The following SLC25A21 variants were observed in gnomAD, a reference collection of about 807,000 sequenced individuals.
SLC25A21 encodes solute carrier family 25 member 21, also known as mitochondrial 2-oxodicarboxylate carrier.
A neutral mutation model predicts 43.8 loss-of-function variants in SLC25A21; 47 were observed. The observed-to-expected ratio is 1.07, with a 90% CI of 0.85 to 1.37. The LOEUF is 1.37. Ranked by LOEUF, SLC25A21 falls within the 40% of genes most tolerant of loss-of-function variation. The pLI, the probability that SLC25A21 is intolerant of heterozygous loss-of-function variation, is 0.00. For missense variants in SLC25A21, 352 were observed against 350.2 expected (o/e 1.00, Z -0.04); for synonymous variants, 131 against 121.3 (o/e 1.08, Z -0.52).
At chr14:37,084,306 T>C (rs1258057597) in intron 1 of SLC25A21, among the ~76,000 whole-genome samples, 1 of 152,206 alleles carries the variant, frequency 6.6e-6, no homozygotes, top group Non-Finnish European at 1.5e-5. Context: ...AGGAGGCTCT[T>C]CCTCTAGATC....
At chr14:36,971,773 T>A (rs1184840934) in intron 1 of SLC25A21, among the ~76,000 whole-genome samples, 1 of 152,166 alleles carries the variant, frequency 6.6e-6, no homozygotes, top group Non-Finnish European at 1.5e-5. Flanking sequence ...ATGATGCCGC[T>A]TCATATGCCC....
chr14:36,899,442 G>A (rs575716065), intron 1 of SLC25A21, among the ~76,000 whole-genome samples: 40 of 152,282 alleles, frequency 2.6e-4, no homozygotes, highest in Admixed American at 1.1e-3. Context: ...AAATGGCACC[G>A]TCTCCGAACT....
rs906166384 is a variant in SLC25A21, at chr14:36,969,524, G to A, written c.71-94520C>T. Among the ~76,000 whole-genome samples, 7 of 152,030 alleles carry A rather than the reference G, an allele frequency of 4.6e-5. No homozygotes were observed. The East Asian group carries it at 9.7e-4, about 21-fold the overall frequency. ...TTTTTTTAGAGACAGGGTCTTACCC[G>A]GTGGCCCAGGCTGGAGTGCAGTGGT... On this transcript the variant is annotated intron_variant, in intron 1 of 9. Coordinates refer to ENST00000331299, the MANE Select transcript of SLC25A21 (RefSeq NM_030631.4).
rs368630543 is a variant in SLC25A21 at position 36,965,154 on chromosome 14, G to A, written c.71-90150C>T. Among the ~76,000 whole-genome samples, 13 of 152,166 alleles carry A rather than the reference G, an allele frequency of 8.5e-5. No homozygotes were observed. The South Asian group carries it at 2.7e-3, about 32-fold the overall frequency. ...CTTCCCTTTTAGAATCCCCAGAATTGATCAAATTGAAGGCAAACTAAAAAT... is the reference window on the plus strand; with the variant it reads ...CTTCCCTTTTAGAATCCCCAGAATTAATCAAATTGAAGGCAAACTAAAAAT... On this transcript the variant is annotated intron_variant, in intron 1 of 9. Transcript: ENST00000331299.
At chr14:36,946,281 C>G (rs1410359457) in intron 1 of SLC25A21, among the ~76,000 whole-genome samples, 1 of 152,078 alleles carries the variant, frequency 6.6e-6, no homozygotes, top group African/African-American at 2.4e-5. Flanking sequence ...ATCTCACAAT[C>G]CATAGGTATG....
chr14:36,969,641 A>C (rs1444813843), intron 1 of SLC25A21, among the ~76,000 whole-genome samples: 1 of 149,984 alleles, frequency 6.7e-6, no homozygotes, highest in Non-Finnish European at 1.5e-5. Context: ...GGCATGCACC[A>C]CCACACCTGG....
chr14:37,160,784 G>A (rs1475349614), intron 1 of SLC25A21, among the ~76,000 whole-genome samples: 1 of 151,758 alleles, frequency 6.6e-6, no homozygotes, highest in Admixed American at 6.6e-5. Context: ...ACAGAAGTTA[G>A]CTGGGCCTGG....
In SLC25A21 at chr14:36,828,389, C is replaced by T. The variant is rs566977590; in HGVS notation, c.120-14388G>A. On this transcript the variant is annotated intron_variant, in intron 2 of 9. Transcript: ENST00000331299. ...TGAGGCTTTTAAGAAGTAATTGGCA[C>T]TTCTTCGTTTTCTTTTTTGTTTCAC... The T allele has an allele frequency of 6.6e-5, 10 of 152,244 alleles. No homozygotes were observed. In the East Asian group the frequency reaches 1.9e-3, roughly 29 times the overall value. 9.4% of individuals were successfully genotyped at this position (152,244 alleles called of 1,614,324 possible). A position where few individuals can be genotyped will look rare whatever the true frequency, so the allele number is the denominator to read the frequency against.
chr14:36,725,724 T>TATGG, intron 5 of SLC25A21, 47 bp from the exon 6 acceptor site: 1 of 1,295,962 alleles, frequency 7.7e-7, no homozygotes, highest in South Asian at 1.6e-5. Flanking sequence ...TTATCATGTG[T>TATGG]ATGGGGTTAA....
chr14:37,079,233 C>T (rs1269471232), intron 1 of SLC25A21, among the ~76,000 whole-genome samples: 1 of 152,094 alleles, frequency 6.6e-6, no homozygotes, highest in Non-Finnish European at 1.5e-5. Context: ...ACCTTTGGAC[C>T]CACTTTTCTA....
intron 1 of SLC25A21, among the ~76,000 whole-genome samples, chr14:36,928,438 T>C (rs1049526846): frequency 6.6e-6 from 1 of 152,276 alleles, no homozygotes; most frequent in Non-Finnish European, 1.5e-5. Flanking sequence ...TAGAGTGATT[T>C]TTTTTTTGTT....
At chr14:36,824,353 A>T (rs1181739775) in intron 2 of SLC25A21, among the ~76,000 whole-genome samples, 1 of 152,130 alleles carries the variant, frequency 6.6e-6, no homozygotes, top group Non-Finnish European at 1.5e-5. Flanking sequence ...TTTTATTTTT[A>T]TATCAAGATT....
At chr14:36,793,744 A>C (rs1738793738) in intron 3 of SLC25A21, among the ~76,000 whole-genome samples, 1 of 152,170 alleles carries the variant, frequency 6.6e-6, no homozygotes, top group Non-Finnish European at 1.5e-5. Flanking sequence ...AACACCAAGC[A>C]TAATAAAATA....
At chr14:36,949,473 A>T (rs1892753311) in intron 1 of SLC25A21, among the ~76,000 whole-genome samples, 1 of 152,160 alleles carries the variant, frequency 6.6e-6, no homozygotes, top group Non-Finnish European at 1.5e-5. Context: ...TTTAAAGCAC[A>T]ATAAAGGTTA....
At chr14:37,070,644 T>G (rs946287885) in intron 1 of SLC25A21, among the ~76,000 whole-genome samples, 3 of 152,180 alleles carry the variant, frequency 2.0e-5, no homozygotes, top group Non-Finnish European at 2.9e-5. Context: ...CCCTCTCACT[T>G]TAATCATGTC....
At chr14:36,855,592 TTGGTCTCCACCC>T (rs1566678336) in intron 2 of SLC25A21, among the ~76,000 whole-genome samples, 1 of 152,144 alleles carries the variant, frequency 6.6e-6, no homozygotes, top group African/African-American at 2.4e-5. Flanking sequence ...ATGCAAATCG[TTGGTCTCCACCC>T]TGAACTAACA....
At chr14:36,946,907 A>G (rs953749588) in intron 1 of SLC25A21, among the ~76,000 whole-genome samples, 3 of 152,174 alleles carry the variant, frequency 2.0e-5, no homozygotes, top group African/African-American at 7.2e-5. Flanking sequence ...GCATAATATT[A>G]TAGTATTTTT....
At chr14:36,767,033 A>C (rs955063894) in intron 3 of SLC25A21, among the ~76,000 whole-genome samples, 1 of 152,168 alleles carries the variant, frequency 6.6e-6, no homozygotes, top group Non-Finnish European at 1.5e-5. Flanking sequence ...AAGTACAAAC[A>C]ATTATGACAT....
intron 7 of SLC25A21, among the ~76,000 whole-genome samples, chr14:36,693,111 A>G (rs1330344931): frequency 6.6e-6 from 1 of 152,248 alleles, no homozygotes; most frequent in Admixed American, 6.5e-5. Context: ...CTCATGCATG[A>G]AGGAACTGCA....
Sources: gnomAD v4.1 joint callset for allele counts (sites outside exome capture counted in the v4.1 genomes callset) on GRCh38, gnomAD v4.1.1 for gene constraint, MANE v1.5 for transcripts, NCBI Gene and HGNC (gene_info 2026-07-23, HGNC 2026-07-21) for gene names.